The following CPVL variants were observed in gnomAD, a reference collection of about 807,000 sequenced individuals.
CPVL encodes the protein probable serine carboxypeptidase CPVL.
CPVL carries 51 observed loss-of-function variants against 63.7 expected under a neutral mutation model. The observed-to-expected ratio is 0.80, with a 90% confidence interval of 0.64 to 1.01. The LOEUF is 1.01. Ranked by LOEUF, CPVL falls within the 50% of genes least tolerant of loss-of-function variation. The probability of loss-of-function intolerance (pLI) is 0.00; values close to 1 mark genes in which losing one functional copy is unlikely to be tolerated. For synonymous variants in CPVL, 195 were observed against 206.0 expected (o/e 0.95, Z 0.46); for missense variants, 530 against 573.1 (o/e 0.92, Z 0.77).
At chr7:29,029,337 A>G (rs1787796240) in intron 12 of CPVL, among the ~76,000 whole-genome samples, 1 of 152,222 alleles carries the variant, frequency 6.6e-6, no homozygotes, top group Non-Finnish European at 1.5e-5. Flanking sequence ...AGTATATTAA[A>G]GGAATATCTG....
chr7:29,138,654 C>T (rs1218230611), intron 1 of CPVL, among the ~76,000 whole-genome samples: 2 of 152,038 alleles, frequency 1.3e-5, no homozygotes, highest in Non-Finnish European at 2.9e-5. Context: ...CTAAGATGCT[C>T]CCAACAGAAC....
At chr7:29,064,284 A>G (rs1278547547) in intron 10 of CPVL, 50 bp from the exon 11 acceptor site, 4 of 1,189,298 alleles carry the variant, frequency 3.4e-6, no homozygotes, top group Non-Finnish European at 3.7e-6. Flanking sequence ...TGGTGGCAGG[A>G]ACAGTATGTT....
At chr7:29,062,059 A>G (rs1333711208) in intron 11 of CPVL, among the ~76,000 whole-genome samples, 3 of 152,202 alleles carry the variant, frequency 2.0e-5, no homozygotes, top group Non-Finnish European at 4.4e-5. Flanking sequence ...CCATTCCTTA[A>G]CATCACATTA....
chr7:29,107,530 G>C (rs1393295210), intron 3 of CPVL, among the ~76,000 whole-genome samples: 1 of 152,232 alleles, frequency 6.6e-6, no homozygotes, highest in Non-Finnish European at 1.5e-5. Context: ...ATACAGCCGG[G>C]AATCGCAGAC....
chr7:29,018,378 C>CTTTTTT (rs70977092), intron 12 of CPVL, among the ~76,000 whole-genome samples: 5 of 123,982 alleles, frequency 4.0e-5, no homozygotes, highest in African/African-American at 6.3e-5. Flanking sequence ...AATTTTTAAT[C>CTTTTTT]TTTTTTTTTT....
chr7:29,003,161 C>CACACAA (rs1216404087), intron 12 of CPVL, among the ~76,000 whole-genome samples: 4 of 74,526 alleles, frequency 5.4e-5, no homozygotes, highest in Non-Finnish European at 1.1e-4. Context: ...TGTGCACACA[C>CACACAA]ACACACACAC....
intron 7 of CPVL, among the ~76,000 whole-genome samples, chr7:29,084,441 T>C (rs2128594339): frequency 6.6e-6 from 1 of 152,332 alleles, no homozygotes; most frequent in African/African-American, 2.4e-5. Flanking sequence ...TCCTTCACTC[T>C]CCAGCCCTTG....
chr7:29,027,518 T>A (rs1166635590), intron 12 of CPVL, among the ~76,000 whole-genome samples: 1 of 152,126 alleles, frequency 6.6e-6, no homozygotes. Context: ...GCATTCATAC[T>A]GAAAAAGAGC....
At position 29,028,057 on chromosome 7, in the gene CPVL, A is replaced by G. The variant is rs140179642; in HGVS notation, c.1320+2520T>C. On this transcript the variant is annotated intron_variant, in intron 12 of 12. Transcript: ENST00000265394. ...TGATTTCAAAATATACTACAAAGCA[A>G]TAACAACCAAAACAGCAAGGTATTA... Among the ~76,000 whole-genome samples, 446 of 152,360 alleles carry G rather than the reference A, an allele frequency of 2.9e-3. 1 individual carries two copies. The highest frequency in any genetic ancestry group is 9.9e-3 in the African/African-American group (412 of 41,586).
chr7:29,022,369 A>G (rs763155649), intron 12 of CPVL, among the ~76,000 whole-genome samples: 1 of 152,178 alleles, frequency 6.6e-6, no homozygotes, highest in Admixed American at 6.5e-5. Context: ...ACTGGTGCCC[A>G]CATACATCAT....
chr7:29,071,794 C>A lies in CPVL; in HGVS notation c.843G>T (p.Gln281His), dbSNP rs1487305020. ...TCACTTCAAAGGCCTCAAACCAGTT[C>A]TGCTTCCTGATGTGTTCTATGCATT... is the stretch of plus-strand genomic sequence containing the variant. ...CHECIEHIRKQNWFEAFEILD... is the reference protein window; with the variant it reads ...CHECIEHIRKHNWFEAFEILD... Residue 281 changes from glutamine (Q) to histidine (H), a missense_variant, in exon 9 of 13, where the codon CAG becomes CAT. Gln to His is a conservative substitution (Grantham distance 24). Coordinates refer to ENST00000265394, the MANE Select transcript of CPVL (RefSeq NM_031311.5). 2.7e-6 allele frequency: 4 copies of A among 1,456,944 alleles called. No individual in the cohort carries two copies. In the East Asian group the frequency reaches 1.3e-4, roughly 47 times the overall value. The allele number at this position is 1,456,944 out of a possible 1,614,324, so 90.3% of individuals were successfully genotyped here.
intron 5 of CPVL, among the ~76,000 whole-genome samples, chr7:29,172,219 G>C (rs1339457562): frequency 1.3e-5 from 2 of 152,124 alleles, no homozygotes; most frequent in African/African-American, 4.8e-5. Flanking sequence ...CATTAAAACA[G>C]CACCACCTAC....
At chr7:29,114,888 AAATGC>A (rs1788626437) in intron 2 of CPVL, among the ~76,000 whole-genome samples, 1 of 152,178 alleles carries the variant, frequency 6.6e-6, no homozygotes, top group Non-Finnish European at 1.5e-5. Context: ...GCTGTCTGTG[AAATGC>A]ACCTGCTGAC....
chr7:29,007,130 T>C (rs942155465), intron 12 of CPVL, among the ~76,000 whole-genome samples: 2 of 152,208 alleles, frequency 1.3e-5, no homozygotes, highest in African/African-American at 2.4e-5. Context: ...TAAATTTCAA[T>C]AGATGATTAA....
intron 12 of CPVL, among the ~76,000 whole-genome samples, chr7:29,016,224 A>T (rs1786394549): frequency 1.3e-5 from 2 of 151,878 alleles, no homozygotes; most frequent in East Asian, 3.9e-4. Context: ...GGTGGTGGGG[A>T]CCTGTAATCC....
At chr7:29,112,556 GCTTATTTTTAGAAAAACAAAAAT>G (rs1473441916) in intron 3 of CPVL, 125 bp downstream of exon 3, 7 of 567,606 alleles carry the variant, frequency 1.2e-5, no homozygotes, top group Non-Finnish European at 1.6e-5. Flanking sequence ...ATGCAGGTTT[GCTTATTTTTAGAAAAACAAAAAT>G]CTTATTTTTA....
intron 11 of CPVL, among the ~76,000 whole-genome samples, chr7:29,044,352 G>C (rs1318901983): frequency 6.6e-6 from 1 of 152,156 alleles, no homozygotes; most frequent in African/African-American, 2.4e-5. Flanking sequence ...GGGAGGTGGA[G>C]GTTGCAGTGA....
chr7:29,007,204 G>A (rs1162076570), intron 12 of CPVL, among the ~76,000 whole-genome samples: 1 of 152,122 alleles, frequency 6.6e-6, no homozygotes, highest in Non-Finnish European at 1.5e-5. Flanking sequence ...TCAATAAATA[G>A]ATTTGCTAGC....
At chr7:29,020,293 C>T (rs1786830959) in intron 12 of CPVL, among the ~76,000 whole-genome samples, 1 of 152,154 alleles carries the variant, frequency 6.6e-6, no homozygotes, top group Admixed American at 6.5e-5. Context: ...AGTAGTGTAG[C>T]AGATGGGGGG....
Sources: gnomAD v4.1 joint callset for allele counts (sites outside exome capture counted in the v4.1 genomes callset) on GRCh38, gnomAD v4.1.1 for gene constraint, MANE v1.5 for transcripts, NCBI Gene and HGNC (gene_info 2026-07-23, HGNC 2026-07-21) for gene names.